Variants in SEMA5A observed in about 807,000 individuals in gnomAD.
SEMA5A encodes semaphorin 5A.
A neutral mutation model predicts 135.5 loss-of-function variants in SEMA5A; 55 were observed. The observed-to-expected ratio is 0.41, with a 90% CI of 0.33 to 0.51. The LOEUF (loss-of-function observed/expected upper bound fraction) is 0.51, where lower values mean the gene tolerates loss of function less well. Ranked by LOEUF, SEMA5A falls within the 20% of genes least tolerant of loss-of-function variation. The pLI is 0.37. For missense variants in SEMA5A, 1,290 were observed against 1,419.9 expected, an observed-to-expected ratio of 0.91 and a Z score of 1.47; for synonymous variants, 580 against 546.5, an observed-to-expected ratio of 1.06 and a Z score of -0.85.
In SEMA5A at chr5:9,361,124, C is replaced by A. The variant is rs113835940; in HGVS notation, c.124+18699G>T. ...GACCAGCCTGGCCAACATGGTAAAA[C>A]GCTGTCTCTACTAAAAATACGAAAA... On this transcript the variant is annotated intron_variant, in intron 3 of 22. Coordinates refer to ENST00000382496, the MANE Select transcript of SEMA5A (RefSeq NM_003966.3). Among the ~76,000 whole-genome samples, 1,317 of 152,134 alleles carry A rather than the reference C, an allele frequency of 8.7e-3. 18 individuals carry two copies. The highest frequency in any genetic ancestry group is 0.03 in the African/African-American group (1,252 of 41,502).
At chr5:9,340,430 G>A (rs142394723) in intron 3 of SEMA5A, among the ~76,000 whole-genome samples, 23 of 152,276 alleles carry the variant, frequency 1.5e-4, no homozygotes, top group Admixed American at 5.9e-4. Flanking sequence ...AGAAAATCAG[G>A]TTACTCTTTT....
chr5:9,509,141 T>A (rs570834), intron 1 of SEMA5A, among the ~76,000 whole-genome samples: 137,225 of 151,710 alleles, frequency 0.9, 62,097 homozygotes, highest in Middle Eastern at 0.95. Context: ...AAGGCAGGTG[T>A]CCACAGGGGT....
At chr5:9,483,762 TA>T (rs1403591639) in intron 1 of SEMA5A, among the ~76,000 whole-genome samples, 1 of 152,170 alleles carries the variant, frequency 6.6e-6, no homozygotes, top group Non-Finnish European at 1.5e-5. Flanking sequence ...AATTTAGATG[TA>T]AACATTGAAA....
chr5:9,417,371 T>C (rs1040218428), intron 2 of SEMA5A, among the ~76,000 whole-genome samples: 1 of 152,252 alleles, frequency 6.6e-6, no homozygotes, highest in African/African-American at 2.4e-5. Context: ...TTATCCACTT[T>C]ACTAACTTTT....
chr5:9,309,046 G>A (rs550742089), intron 5 of SEMA5A, among the ~76,000 whole-genome samples: 1 of 152,122 alleles, frequency 6.6e-6, no homozygotes, highest in Admixed American at 6.6e-5. Flanking sequence ...CATTACTTAA[G>A]CAAGACAGAA....
chr5:9,467,781 C>T (rs575065715), intron 1 of SEMA5A, among the ~76,000 whole-genome samples: 91 of 152,274 alleles, frequency 6.0e-4, no homozygotes, highest in South Asian at 1.0e-3. Flanking sequence ...CCTGGCCCAG[C>T]GTGGGTCTGG....
chr5:9,073,921 A>C (rs566165727), intron 16 of SEMA5A, among the ~76,000 whole-genome samples: 2 of 152,304 alleles, frequency 1.3e-5, no homozygotes, highest in South Asian at 4.1e-4. Context: ...CATGACTTTT[A>C]CAATGAAAGG....
chr5:9,256,879 G>A (rs1049862455), intron 5 of SEMA5A, among the ~76,000 whole-genome samples: 1 of 152,216 alleles, frequency 6.6e-6, no homozygotes, highest in Non-Finnish European at 1.5e-5. Flanking sequence ...ATAAGTTCAA[G>A]ATTAGCATGA....
chr5:9,305,833 T>G (rs922217626), intron 5 of SEMA5A, among the ~76,000 whole-genome samples: 3 of 151,988 alleles, frequency 2.0e-5, no homozygotes, highest in Admixed American at 2.0e-4. Flanking sequence ...GGGGAAATCT[T>G]GGTCCCCTGG....
chr5:9,510,401 T>G (rs1351769033), intron 1 of SEMA5A, among the ~76,000 whole-genome samples: 1 of 152,254 alleles, frequency 6.6e-6, no homozygotes, highest in Non-Finnish European at 1.5e-5. Context: ...CTTCATGTAA[T>G]TCATAGATGC....
At chr5:9,495,648 A>C (rs60859218) in intron 1 of SEMA5A, among the ~76,000 whole-genome samples, 1,864 of 152,342 alleles carry the variant, frequency 0.012, 36 homozygotes, top group African/African-American at 0.041. Flanking sequence ...TACACTCAGC[A>C]GGATGCGTCC....
At chr5:9,361,088 C>A (rs1299534646) in intron 3 of SEMA5A, among the ~76,000 whole-genome samples, 3 of 152,118 alleles carry the variant, frequency 2.0e-5, no homozygotes, top group African/African-American at 7.2e-5. Flanking sequence ...CACCTGAGGT[C>A]AAGAGTTCGA....
chr5:9,184,700 C>T (rs1200495045), intron 11 of SEMA5A, among the ~76,000 whole-genome samples: 1 of 152,130 alleles, frequency 6.6e-6, no homozygotes, highest in East Asian at 1.9e-4. Context: ...CTGTGAACTT[C>T]CTTTTCATCT....
intron 5 of SEMA5A, among the ~76,000 whole-genome samples, chr5:9,279,657 T>C (rs1750443217): frequency 6.6e-6 from 1 of 152,092 alleles, no homozygotes; most frequent in Admixed American, 6.5e-5. Context: ...CAGGGGCAGA[T>C]TTCCCCCTTG....
At chr5:9,145,676 T>A (rs1742292430) in intron 12 of SEMA5A, among the ~76,000 whole-genome samples, 1 of 148,200 alleles carries the variant, frequency 6.7e-6, no homozygotes, top group South Asian at 2.2e-4. Flanking sequence ...GGAGTCTCTG[T>A]CACCCAGACT....
intron 2 of SEMA5A, among the ~76,000 whole-genome samples, chr5:9,433,433 C>G (rs1197632083): frequency 6.6e-6 from 1 of 151,416 alleles, no homozygotes; most frequent in Non-Finnish European, 1.5e-5. Flanking sequence ...AATGAAATAG[C>G]GGAAAAAACA....
intron 5 of SEMA5A, among the ~76,000 whole-genome samples, chr5:9,273,116 A>T (rs1750071560): frequency 6.6e-6 from 1 of 152,150 alleles, no homozygotes; most frequent in Non-Finnish European, 1.5e-5. Context: ...CCTTGAAAAA[A>T]GTTCTTGAAA....
rs141668225 is a variant in SEMA5A at position 9,190,339 on chromosome 5, G to A, written c.1201C>T (p.Arg401Cys). The A allele has an allele frequency of 1.3e-4, 216 of 1,614,072 alleles. 2 individuals are homozygous for A. The highest frequency in any genetic ancestry group is 7.1e-4 in the South Asian group (65 of 91,074). ...ACGTCGACTGCCACGTGGGAAAAGC[G>A]GCTATTGTCCTCCATGAAGGAGGGC... is the stretch of plus-strand genomic sequence containing the variant. ...TVPSFMEDNS[R>C]FSHVAVDVVQ... The change falls in exon 11 of 23, where the codon CGC (arginine) becomes TGC (cysteine). Residue 401 changes from arginine to cysteine, a missense_variant. Transcript: ENST00000382496.
intron 5 of SEMA5A, among the ~76,000 whole-genome samples, chr5:9,291,661 A>G (rs1463247461): frequency 1.3e-5 from 2 of 152,064 alleles, no homozygotes; most frequent in African/African-American, 2.4e-5. Context: ...AATGGCATGC[A>G]GTCCCTGTGA....
Sources: allele counts gnomAD v4.1 joint callset (sites outside exome capture counted in the v4.1 genomes callset), GRCh38; gene constraint gnomAD v4.1.1; transcripts MANE v1.5; gene names NCBI Gene and HGNC (gene_info 2026-07-23, HGNC 2026-07-21).